The following HAUS2 variants were observed in gnomAD, a reference collection of about 807,000 sequenced individuals.
The protein encoded by HAUS2 is HAUS augmin like complex subunit 2.
HAUS2 carries 20 observed loss-of-function variants against 21.6 expected under a neutral mutation model. That is an observed-to-expected ratio of 0.93 (90% CI 0.65 to 1.35). The LOEUF (loss-of-function observed/expected upper bound fraction) is 1.35. HAUS2 is among the 40% of genes most tolerant of loss of function. HAUS2 has a pLI of 0.00. For missense variants in HAUS2, 297 were observed against 280.7 expected, an observed-to-expected ratio of 1.06 and a Z score of -0.42; for synonymous variants, 113 against 95.6, an observed-to-expected ratio of 1.18 and a Z score of -1.06.
At chr15:42,562,437 C>A (rs1190492704) in intron 4 of HAUS2, among the ~76,000 whole-genome samples, 1 of 152,052 alleles carries the variant, frequency 6.6e-6, no homozygotes, top group African/African-American at 2.4e-5. Context: ...TCTACCAAAA[C>A]ATACGAAATA....
intron 5 of HAUS2, among the ~76,000 whole-genome samples, chr15:42,564,746 C>G (rs2057889028): frequency 6.6e-6 from 1 of 152,234 alleles, no homozygotes; most frequent in Admixed American, 6.5e-5. Context: ...GCCTCGGCCT[C>G]TTAAAGTGCT....
At chr15:42,565,386 A>AAT (rs1555384222) in intron 5 of HAUS2, among the ~76,000 whole-genome samples, 10 of 77,438 alleles carry the variant, frequency 1.3e-4, no homozygotes, top group African/African-American at 4.4e-4. Flanking sequence ...GGAGCCATTG[A>AAT]ATGTGTGTGT....
rs1436538924 is a variant in HAUS2 at position 42,568,134 on chromosome 15, C to A, written c.*1318C>A. 3 of 152,222 alleles carry A rather than the reference C, an allele frequency of 2.0e-5. No individual in the cohort carries two copies. Among genetic ancestry groups the A allele is most frequent in the Non-Finnish European group, 4.4e-5 (3 of 68,054 alleles). 9.4% of individuals were successfully genotyped at this position (152,222 alleles called of 1,614,324 possible). On this transcript the variant is annotated 3_prime_UTR_variant, in exon 6 of 6. Transcript: ENST00000260372. ...ATGCAGAAAAGAGTAACACAGCCAG[C>A]CTGACTTATCCTTTGAAAGGCCTGA...
At chr15:42,556,365 G>A (rs2057775153) in intron 1 of HAUS2, among the ~76,000 whole-genome samples, 1 of 140,996 alleles carries the variant, frequency 7.1e-6, no homozygotes, top group Non-Finnish European at 1.5e-5. Flanking sequence ...CTAAGCTCAA[G>A]CAATTCTCCT....
chr15:42,558,314 C>CT (rs547363768), intron 2 of HAUS2, 24 bp downstream of exon 2: 22,218 of 366,968 alleles, frequency 0.061, 41 homozygotes, highest in South Asian at 0.094. Context: ...TTTTCACTTT[C>CT]TTTTTTTTTT....
At chr15:42,563,687 A>G (rs912385712) in intron 4 of HAUS2, 62 bp from the exon 5 acceptor site, 8 of 837,146 alleles carry the variant, frequency 9.6e-6, no homozygotes, top group African/African-American at 1.7e-5. Context: ...TTAAAGGAGA[A>G]GAAAAGGAAC....
chr15:42,550,054 T>C (rs2057706228), intron 1 of HAUS2, among the ~76,000 whole-genome samples: 1 of 151,794 alleles, frequency 6.6e-6, no homozygotes, highest in Non-Finnish European at 1.5e-5. Flanking sequence ...ATAGAGGAAG[T>C]TGAGAAATTT....
intron 1 of HAUS2, among the ~76,000 whole-genome samples, chr15:42,556,261 CTT>C (rs1200353279): frequency 2.1e-4 from 16 of 76,294 alleles, no homozygotes; most frequent in African/African-American, 5.0e-4. Flanking sequence ...TGCGCCCAGG[CTT>C]TTTTTTTTTT....
chr15:42,556,404 C>T (rs1437825311), intron 1 of HAUS2, among the ~76,000 whole-genome samples: 2 of 150,048 alleles, frequency 1.3e-5, no homozygotes, highest in Admixed American at 1.3e-4. Context: ...GCTGGGATTA[C>T]AGGTGTGCAC....
intron 1 of HAUS2, among the ~76,000 whole-genome samples, chr15:42,550,372 C>T (rs182419197): frequency 1.3e-5 from 2 of 151,230 alleles, no homozygotes; most frequent in Admixed American, 1.3e-4. Flanking sequence ...CCATTAGAGA[C>T]TCTAATACCT....
At chr15:42,560,817 G>A (rs2057843185) in intron 3 of HAUS2, 3 of 701,960 alleles carry the variant, frequency 4.3e-6, no homozygotes, top group Admixed American at 2.0e-5. Context: ...GGCTGGTCTC[G>A]AACTCATGGC....
chr15:42,552,010 CT>C (rs528003921), intron 1 of HAUS2, among the ~76,000 whole-genome samples: 5 of 148,776 alleles, frequency 3.4e-5, no homozygotes, highest in Non-Finnish European at 1.5e-5. Flanking sequence ...ACTTTTGTCT[CT>C]TTTTTTTTGT....
Position 42,558,297 on chromosome 15 carries a change from C to T in HAUS2, c.186+7C>T. ...TCAAGCTGAAATCTACCAGGTAAAT[C>T]ATTTTGTTTTCACTTTCTTTTTTTT... On this transcript the variant is annotated splice_region_variant and intron_variant, in intron 2 of 5. Transcript: ENST00000260372. The T allele has an allele frequency of 1.4e-6, 1 of 715,666 alleles. No homozygotes were observed. The highest frequency in any genetic ancestry group is 2.4e-6 in the Non-Finnish European group (1 of 423,718). 44.3% of individuals were successfully genotyped at this position (715,666 alleles called of 1,614,324 possible). A position where few individuals can be genotyped will look rare whatever the true frequency, so the allele number is the denominator to read the frequency against.
chr15:42,556,979 G>C (rs972600968), intron 1 of HAUS2, among the ~76,000 whole-genome samples: 1 of 151,806 alleles, frequency 6.6e-6, no homozygotes, highest in Non-Finnish European at 1.5e-5. Flanking sequence ...AAGAGGCAGA[G>C]GTTGCAGTGA....
intron 2 of HAUS2, among the ~76,000 whole-genome samples, chr15:42,558,683 T>G (rs1409151589): frequency 6.6e-6 from 1 of 151,650 alleles, no homozygotes; most frequent in Non-Finnish European, 1.5e-5. Context: ...GTTGGCCAGA[T>G]GTAGTGGCTC....
chr15:42,558,687 G>C (rs1330049700), intron 2 of HAUS2, among the ~76,000 whole-genome samples: 1 of 152,032 alleles, frequency 6.6e-6, no homozygotes, highest in Non-Finnish European at 1.5e-5. Context: ...GCCAGATGTA[G>C]TGGCTCACAC....
chr15:42,559,054 A>G (rs886320318), intron 2 of HAUS2, among the ~76,000 whole-genome samples: 2 of 152,164 alleles, frequency 1.3e-5, no homozygotes, highest in Non-Finnish European at 2.9e-5. Context: ...ACTTACTAAT[A>G]GTAGTTACAG....
Position 42,563,873 on chromosome 15 carries a change from G to A in HAUS2, c.498+16G>A, listed in dbSNP as rs750932638. ...AAAGAAAATGGTGAGTATTAATATAGCAATCTTCAGTTATTTTTTACTAGA... is the reference window on the plus strand; with the variant it reads ...AAAGAAAATGGTGAGTATTAATATAACAATCTTCAGTTATTTTTTACTAGA... On this transcript the variant is annotated intron_variant, in intron 5 of 5. Coordinates refer to ENST00000260372, the MANE Select transcript of HAUS2 (RefSeq NM_018097.3). 2.7e-6 allele frequency: 3 copies of A among 1,104,414 alleles called. No homozygotes were observed. The highest frequency in any genetic ancestry group is 2.1e-5 in the Admixed American group (1 of 48,120). The allele number at this position is 1,104,414 out of a possible 1,614,324, so 68.4% of individuals were successfully genotyped here.
chr15:42,549,045 G>T, intron 1 of HAUS2, 80 bp downstream of exon 1: 3 of 913,270 alleles, frequency 3.3e-6, no homozygotes, highest in Non-Finnish European at 1.8e-6. Flanking sequence ...GCTGCTGGCT[G>T]TGGGAGTGGT....
Sources: gnomAD v4.1 joint callset for allele counts (sites outside exome capture counted in the v4.1 genomes callset) on GRCh38, gnomAD v4.1.1 for gene constraint, MANE v1.5 for transcripts, NCBI Gene and HGNC (gene_info 2026-07-23, HGNC 2026-07-21) for gene names.